Variants in PGR observed in about 807,000 individuals in gnomAD.
PGR encodes the protein nuclear receptor subfamily 3 group C member 3.
PGR carries 25 observed loss-of-function variants against 76.1 expected under a neutral mutation model. That is an observed-to-expected ratio of 0.33 (90% CI 0.24 to 0.46). The LOEUF is 0.46. Ranked by LOEUF, PGR falls within the 20% of genes least tolerant of loss-of-function variation. PGR has a pLI of 1.00. For missense variants in PGR, 1,172 were observed against 1,225.3 expected, an observed-to-expected ratio of 0.96 and a Z score of 0.65; for synonymous variants, 579 against 535.0, an observed-to-expected ratio of 1.08 and a Z score of -1.14.
chr11:101,108,852 CA>C (rs1469609309), intron 2 of PGR, among the ~76,000 whole-genome samples: 1 of 152,206 alleles, frequency 6.6e-6, no homozygotes, highest in African/African-American at 2.4e-5. Flanking sequence ...GTATGTTTTA[CA>C]AATTCAGGGT....
chr11:101,089,696 G>A (rs1441748749), intron 3 of PGR, among the ~76,000 whole-genome samples: 6 of 148,398 alleles, frequency 4.0e-5, no homozygotes, highest in Admixed American at 2.0e-4. Context: ...AGAAGAGGGA[G>A]GAAGGAAAGA....
At chr11:101,039,448 A>G (rs1223291026) in intron 7 of PGR, among the ~76,000 whole-genome samples, 177 bp from the exon 8 acceptor site, 1 of 151,968 alleles carries the variant, frequency 6.6e-6, no homozygotes, top group African/African-American at 2.4e-5. Flanking sequence ...GTAAAATGTT[A>G]TATACTCATG....
intron 2 of PGR, among the ~76,000 whole-genome samples, chr11:101,119,080 C>G (rs970635683): frequency 3.9e-5 from 6 of 152,122 alleles, no homozygotes; most frequent in African/African-American, 1.4e-4. Flanking sequence ...CCCTTGCATG[C>G]AGAATTCACA....
In PGR at chr11:101,038,180, TC is replaced by T. The variant is rs1262213547; in HGVS notation, c.*935del. 1 of 191,688 alleles carries T rather than the reference TC, an allele frequency of 5.2e-6. No individual in the cohort carries two copies. Among genetic ancestry groups the T allele is most frequent in the African/African-American group, 2.3e-5 (1 of 43,104 alleles). 11.9% of individuals were successfully genotyped at this position (191,688 alleles called of 1,614,324 possible). On this transcript the variant is annotated 3_prime_UTR_variant, in exon 8 of 8. Coordinates refer to ENST00000325455, the MANE Select transcript of PGR (RefSeq NM_000926.4). The stretch of plus-strand genomic sequence containing the variant: ...ATGTGAATTGATACCTCCCTCCTCC[TC>T]CTCTCCCTTTCTTCTTTCCTTTGAT...
chr11:101,030,419 T>C lies in PGR; in HGVS notation c.*8697A>G. 1 of 230,698 alleles carries C rather than the reference T, an allele frequency of 4.3e-6. No homozygotes were observed. Among genetic ancestry groups the C allele is most frequent in the Non-Finnish European group, 8.6e-6 (1 of 116,470 alleles). The allele number at this position is 230,698 out of a possible 1,614,324, so 14.3% of individuals were successfully genotyped here. On this transcript the variant is annotated 3_prime_UTR_variant, in exon 8 of 8. Coordinates refer to ENST00000325455, the MANE Select transcript of PGR (RefSeq NM_000926.4). ...CACTTAATTTTTACAGTTTTGCATC[T>C]GTTACCAGCCAGTGCCAGGAGAACT...
rs11571283 is a variant in PGR at position 101,037,351 on chromosome 11, A to G, written c.*1765T>C. 5.2e-4 allele frequency: 104 copies of G among 201,304 alleles called. No homozygotes were observed. In the South Asian group the frequency reaches 0.019, roughly 37 times the overall value. 12.5% of individuals were successfully genotyped at this position (201,304 alleles called of 1,614,324 possible). On this transcript the variant is annotated 3_prime_UTR_variant, in exon 8 of 8. Transcript: ENST00000325455. ...CTGGACTGTAACTTTCCTGAGTTAT[A>G]TGTCTTTCTTCAGCTCCAAATTCTC...
intron 4 of PGR, 136 bp from the exon 5 acceptor site, chr11:101,051,704 G>T: frequency 1.5e-6 from 1 of 676,214 alleles, no homozygotes; most frequent in Non-Finnish European, 2.7e-6. Context: ...ATTTTACACT[G>T]AAAATCAGAA....
intron 7 of PGR, 88 bp downstream of exon 7, chr11:101,041,857 T>G: frequency 1.7e-6 from 2 of 1,191,890 alleles, no homozygotes; most frequent in Non-Finnish European, 2.4e-6. Context: ...GAGAAAATCA[T>G]ACAAAGTAAA....
chr11:101,059,863 A>AAAAAAAAAAAAAAAAAAAAAAAG (rs1565337616), intron 4 of PGR, among the ~76,000 whole-genome samples: 1 of 141,162 alleles, frequency 7.1e-6, no homozygotes, highest in Non-Finnish European at 1.6e-5. Flanking sequence ...AAAAAAAAAG[A>AAAAAAAAAAAAAAAAAAAAAAAG]AAAAAAAGAA....
chr11:101,045,665 T>TTGTGTGTGTG lies in PGR; in HGVS notation c.2489-3573_2489-3564dup, dbSNP rs5794091. Among the ~76,000 whole-genome samples, 210 of 149,240 alleles carry TTGTGTGTGTG rather than the reference T, an allele frequency of 1.4e-3. 1 individual carries two copies. Among genetic ancestry groups the TTGTGTGTGTG allele is most frequent in the African/African-American group, 2.7e-3 (110 of 40,618 alleles). ...TTTGATTGCTGAATACTATTCCATT[T>TTGTGTGTGTG]TGTGTGTGTGTGTGTGTGTGTGTGT... On this transcript the variant is annotated intron_variant, in intron 6 of 7. Transcript: ENST00000325455.
intron 2 of PGR, among the ~76,000 whole-genome samples, chr11:101,111,544 A>C (rs1862342254): frequency 6.6e-6 from 1 of 152,186 alleles, no homozygotes; most frequent in Non-Finnish European, 1.5e-5. Context: ...CAGAACTTTA[A>C]GAAACAACCA....
chr11:101,036,034 T>C lies in PGR; in HGVS notation c.*3082A>G. On this transcript the variant is annotated 3_prime_UTR_variant, in exon 8 of 8. Coordinates refer to ENST00000325455, the MANE Select transcript of PGR (RefSeq NM_000926.4). ...GGCAGGTTTAATCAGAGCAGTTAAA[T>C]GACTTGCTTAATCTCATCCAGCTAG... 4.4e-6 allele frequency: 1 copy of C among 224,766 alleles called. No individual in the cohort carries two copies. The highest frequency in any genetic ancestry group is 8.9e-6 in the Non-Finnish European group (1 of 112,782). The allele number at this position is 224,766 out of a possible 1,614,324, so 13.9% of individuals were successfully genotyped here.
chr11:101,076,355 T>C (rs1565346528), intron 3 of PGR, among the ~76,000 whole-genome samples: 1 of 151,920 alleles, frequency 6.6e-6, no homozygotes, highest in Non-Finnish European at 1.5e-5. Flanking sequence ...TTAGAAGAAA[T>C]ACCTAATGTA....
At chr11:101,091,937 G>A in intron 2 of PGR, 61 bp from the exon 3 acceptor site, 1 of 869,882 alleles carries the variant, frequency 1.1e-6, no homozygotes. Flanking sequence ...GAAATTCTAT[G>A]CAGTGACAAC....
At chr11:101,092,444 C>T (rs910586832) in intron 2 of PGR, among the ~76,000 whole-genome samples, 2 of 152,094 alleles carry the variant, frequency 1.3e-5, no homozygotes, top group East Asian at 3.9e-4. Flanking sequence ...TTAATACCTG[C>T]CTTATTTTGA....
At chr11:101,098,665 A>G (rs1861909814) in intron 2 of PGR, among the ~76,000 whole-genome samples, 2 of 152,268 alleles carry the variant, frequency 1.3e-5, no homozygotes, top group African/African-American at 4.8e-5. Flanking sequence ...GCAGTGATCC[A>G]AAAAAGTTTC....
In PGR at chr11:101,054,416, C is replaced by A. The variant is rs184950846; in HGVS notation, c.2213-2848G>T. The stretch of plus-strand genomic sequence containing the variant: ...CTTCAAGTATAGGTCTACATAATAA[C>A]TTTTTAAGAAAATTATAAAGCTCAA... On this transcript the variant is annotated intron_variant, in intron 4 of 7. Transcript: ENST00000325455. Among the ~76,000 whole-genome samples the A allele has an allele frequency of 2.6e-5, 4 of 152,208 alleles. No homozygotes were observed. The East Asian group carries it at 7.7e-4, about 29-fold the overall frequency.
chr11:101,092,127 A>G (rs1288818594), intron 2 of PGR, among the ~76,000 whole-genome samples: 1 of 152,224 alleles, frequency 6.6e-6, no homozygotes, highest in Non-Finnish European at 1.5e-5. Context: ...ATCTTTTGCA[A>G]GAGATTTCTG....
rs776880789 is a variant in PGR, at chr11:101,128,241, G to C, written c.830C>G (p.Ala277Gly). ...CTGCTCCACCAGGGCGACCCTGGGC[G>C]CTGAGAAGCGGGAATCTTCCTTGGG... Reference protein sequence around the residue: ...LVPKEDSRFSAPRVALVEQDA... With the variant: ...LVPKEDSRFSGPRVALVEQDA... Residue 277 changes from alanine (A) to glycine (G), a missense_variant, in exon 1 of 8, where the codon GCG becomes GGG. Physicochemically the swap from Ala to Gly is moderately conservative, Grantham distance 60. Transcript: ENST00000325455. 2.6e-5 allele frequency: 41 copies of C among 1,595,862 alleles called. No homozygotes were observed. Among genetic ancestry groups the C allele is most frequent in the Non-Finnish European group, 3.5e-5 (41 of 1,178,026 alleles).
Sources: gnomAD v4.1 joint callset for allele counts (sites outside exome capture counted in the v4.1 genomes callset) on GRCh38, gnomAD v4.1.1 for gene constraint, MANE v1.5 for transcripts, NCBI Gene and HGNC (gene_info 2026-07-23, HGNC 2026-07-21) for gene names.